The following RPS6KA1 variants were observed in gnomAD, a reference collection of about 807,000 sequenced individuals.
RPS6KA1 encodes the protein ribosomal protein S6 kinase alpha-1.
Under a neutral mutation model 91.3 loss-of-function variants are expected in RPS6KA1, and 48 were observed. The ratio of observed to expected loss-of-function variants is 0.53; its 90% CI spans 0.42 to 0.67. RPS6KA1 has a LOEUF of 0.67. RPS6KA1 is among the 30% of genes least tolerant of loss of function. RPS6KA1 has a pLI of 0.00. For synonymous variants in RPS6KA1, 359 were observed against 384.7 expected, an observed-to-expected ratio of 0.93 and a Z score of 0.78; for missense variants, 719 against 960.5, an observed-to-expected ratio of 0.75 and a Z score of 3.32.
chr1:26,561,695 A>T lies in RPS6KA1; in HGVS notation c.1590+32A>T, dbSNP rs1218486137. 6.4e-7 allele frequency: 1 copy of T among 1,562,334 alleles called. No individual in the cohort carries two copies. The highest frequency in any genetic ancestry group is 1.2e-5 in the South Asian group (1 of 82,468). ...CTGGATTCGGGGAGGCAGTAGGGGG[A>T]TGCCAAGGGTCATATCATCAGCAGA... On this transcript the variant is annotated intron_variant, in intron 17 of 21. Coordinates refer to ENST00000374168, the MANE Select transcript of RPS6KA1 (RefSeq NM_002953.4). This position sits in a 1 kb window ranked among gnomAD's most constrained non-coding sequence, Gnocchi z 5.7.
Position 26,573,290 on chromosome 1 carries a change from C to T in RPS6KA1, c.2014C>T (p.His672Tyr), listed in dbSNP as rs774988036. 1 of 1,614,226 alleles carries T rather than the reference C, an allele frequency of 6.2e-7. No individual in the cohort carries two copies. Among genetic ancestry groups the T allele is most frequent in the South Asian group, 1.1e-5 (1 of 91,086 alleles). Reference sequence around the variant, plus strand: ...CCTCACAGCTAAGCAGGTTCTGCAGCATCCATGGGTCACCCAGAAAGACAA... The same window carrying T: ...CCTCACAGCTAAGCAGGTTCTGCAGTATCCATGGGTCACCCAGAAAGACAA... ...QRLTAKQVLQ[H>Y]PWVTQKDKLP... Residue 672 changes from histidine (H) to tyrosine (Y), a missense_variant, in exon 21 of 22, where the codon CAT (histidine) becomes TAT (tyrosine). By Grantham distance (83) the His-to-Tyr change is moderately conservative (BLOSUM62 2). This residue lies in a region of RPS6KA1 where 249 missense variants were observed against 323.1 expected (regional missense o/e 0.77). Coordinates refer to ENST00000374168, the MANE Select transcript of RPS6KA1 (RefSeq NM_002953.4).
chr1:26,571,949 T>C lies in RPS6KA1; in HGVS notation c.1829+24T>C. On this transcript the variant is annotated intron_variant, in intron 19 of 21. Transcript: ENST00000374168. The surrounding 1 kb of genome is among the most constrained non-coding windows in gnomAD (Gnocchi z 5.1). ...GGGTGAGTGCCCCTGGCCTGGACCC[T>C]TCCCCACTCCTGCAGCCCTAGCACT... 2 of 1,603,114 alleles carry C rather than the reference T, an allele frequency of 1.2e-6. No homozygotes were observed. The highest frequency in any genetic ancestry group is 1.7e-6 in the Non-Finnish European group (2 of 1,173,390).
chr1:26,558,894 G>A lies in RPS6KA1; in HGVS notation c.1172G>A (p.Gly391Asp). The A allele has an allele frequency of 1.2e-6, 2 of 1,613,756 alleles. No homozygotes were observed. Among genetic ancestry groups the A allele is most frequent in the Non-Finnish European group, 1.7e-6 (2 of 1,179,728 alleles). The part of the protein sequence containing the change: ...FVATGLMEDD[G>D]KPRAPQAPLH... ...GCCACCGGCCTGATGGAAGACGACG[G>A]CAAGCCTCGTGCCCCGCAGGCACCC... Residue 391 changes from glycine to aspartate, a missense_variant, in exon 14 of 22, where the codon GGC (glycine) becomes GAC (aspartate). Gly to Asp is a moderately conservative substitution (Grantham distance 94, BLOSUM62 -1). This residue lies in a region of RPS6KA1 where 228 missense variants were observed against 247.6 expected (regional missense o/e 0.92). Transcript: ENST00000374168. This position sits in a 1 kb window ranked among gnomAD's most constrained non-coding sequence, Gnocchi z 4.0.
rs1453953908 is a variant in RPS6KA1 at position 26,571,259 on chromosome 1, G to GAC, written c.1591-187_1591-186dup. ...ACAGGTTAACTTAGAGCTACCTGTA[G>GAC]ACACCTACACAGAGTCAGTAGCAGC... is the stretch of plus-strand genomic sequence containing the variant. On this transcript the variant is annotated intron_variant, in intron 17 of 21. Coordinates refer to ENST00000374168, the MANE Select transcript of RPS6KA1 (RefSeq NM_002953.4). The surrounding 1 kb of genome is among the most constrained non-coding windows in gnomAD (Gnocchi z 5.1). 1 of 593,698 alleles carries GAC rather than the reference G, an allele frequency of 1.7e-6. No individual in the cohort carries two copies. The highest frequency in any genetic ancestry group is 2.8e-5 in the East Asian group (1 of 35,516). The allele number at this position is 593,698 out of a possible 1,614,324, so 36.8% of individuals were successfully genotyped here.
chr1:26,548,118 T>C (rs551075758), intron 4 of RPS6KA1, among the ~76,000 whole-genome samples: 2 of 151,848 alleles, frequency 1.3e-5, no homozygotes, highest in Non-Finnish European at 2.9e-5. Flanking sequence ...TTAAGGACGT[T>C]ATGGGTGGCT....
chr1:26,553,301 T>C (rs4970489), intron 6 of RPS6KA1, 90 bp from the exon 7 acceptor site: 591,675 of 826,490 alleles, frequency 0.72, 212,998 homozygotes, highest in East Asian at 0.77. Context: ...CCAGGGTGGC[T>C]CTTCAGGACC....
intron 4 of RPS6KA1, among the ~76,000 whole-genome samples, chr1:26,549,690 CTTTTTTTTTT>C (rs561375723): frequency 2.9e-5 from 3 of 101,916 alleles, no homozygotes; most frequent in South Asian, 3.4e-4. Context: ...AAAGCCTGTT[CTTTTTTTTTT>C]TTTTTTTTTT....
At chr1:26,563,031 GT>G in intron 17 of RPS6KA1, among the ~76,000 whole-genome samples, 1 of 151,864 alleles carries the variant, frequency 6.6e-6, no homozygotes, top group East Asian at 1.9e-4. Context: ...TAGAGATGGG[GT>G]TTCACCATGT....
At chr1:26,531,652 C>T (rs1344306415) in intron 1 of RPS6KA1, among the ~76,000 whole-genome samples, 1 of 152,152 alleles carries the variant, frequency 6.6e-6, no homozygotes, top group Non-Finnish European at 1.5e-5. Context: ...AGCGGACTTC[C>T]TGGGATTGGT....
rs936087210 is a variant in RPS6KA1, at chr1:26,571,003, A to G, written c.1591-446A>G. On this transcript the variant is annotated intron_variant, in intron 17 of 21. Transcript: ENST00000374168. This position sits in a 1 kb window ranked among gnomAD's most constrained non-coding sequence, Gnocchi z 5.1. Reference sequence around the variant, plus strand: ...CCAGCCATGGCGGCGGGTGCCTGTAATCCCAGCTACTTGGGAGCTGAGGCA... The same window carrying G: ...CCAGCCATGGCGGCGGGTGCCTGTAGTCCCAGCTACTTGGGAGCTGAGGCA... Among the ~76,000 whole-genome samples the G allele has an allele frequency of 1.5e-5, 2 of 134,468 alleles. No homozygotes were observed. The highest frequency in any genetic ancestry group is 1.5e-4 in the Admixed American group (2 of 13,364). The allele number at this position is 134,468 out of a possible 152,430, so 88.2% of individuals were successfully genotyped here. A position where few individuals can be genotyped will look rare whatever the true frequency, so the allele number is the denominator to read the frequency against.
rs368459526 is a variant in RPS6KA1, at chr1:26,561,465, G to C, written c.1432-40G>C. 6.2e-6 allele frequency: 10 copies of C among 1,613,544 alleles called. No individual in the cohort carries two copies. The highest frequency in any genetic ancestry group is 5.3e-5 in the African/African-American group (4 of 74,926). On this transcript the variant is annotated intron_variant, in intron 16 of 21. Coordinates refer to ENST00000374168, the MANE Select transcript of RPS6KA1 (RefSeq NM_002953.4). This position sits in a 1 kb window ranked among gnomAD's most constrained non-coding sequence, Gnocchi z 5.7. ...GCTGCTGACCAGGGGGCTCAGGCCT[G>C]ACACTGGGGAGAAGAGCCTGATGGT...
At chr1:26,546,328 T>C (rs967116782) in intron 2 of RPS6KA1, among the ~76,000 whole-genome samples, 1 of 152,186 alleles carries the variant, frequency 6.6e-6, no homozygotes, top group Non-Finnish European at 1.5e-5. Context: ...ATGCAGTCTT[T>C]GGCCTTAACT....
Position 26,546,955 on chromosome 1 carries a change from A to G in RPS6KA1, c.197A>G (p.Lys66Arg). The G allele has an allele frequency of 6.2e-7, 1 of 1,614,152 alleles. No homozygotes were observed. Among genetic ancestry groups the G allele is most frequent in the Non-Finnish European group, 8.5e-7 (1 of 1,180,000 alleles). Reference sequence around the variant, plus strand: ...GATCCATCCCATTTCGAGCTCCTCAAGGTTCTGGGCCAGGGATCCTTTGGC... The same window carrying G: ...GATCCATCCCATTTCGAGCTCCTCAGGGTTCTGGGCCAGGGATCCTTTGGC... ...KADPSHFELL[K>R]VLGQGSFGKV... Residue 66 changes from lysine to arginine, a missense_variant, in exon 3 of 22, where the codon AAG becomes AGG. Coordinates refer to ENST00000374168, the MANE Select transcript of RPS6KA1 (RefSeq NM_002953.4).
Position 26,558,639 on chromosome 1 carries a change from C to T in RPS6KA1, c.1085-168C>T, listed in dbSNP as rs1376112316. 2.0e-5 allele frequency among the ~76,000 whole-genome samples: 3 copies of T among 152,210 alleles called. No homozygotes were observed. The highest frequency in any genetic ancestry group is 6.5e-5 in the Admixed American group (1 of 15,284). On this transcript the variant is annotated intron_variant, in intron 13 of 21. Coordinates refer to ENST00000374168, the MANE Select transcript of RPS6KA1 (RefSeq NM_002953.4). The surrounding 1 kb of genome is among the most constrained non-coding windows in gnomAD (Gnocchi z 4.0). ...CAGGACTGGGCTGGTCTAATAAACA[C>T]ATATGAGCAGTTGGGCCAAGGCCTG... is the stretch of plus-strand genomic sequence containing the variant.
intron 1 of RPS6KA1, among the ~76,000 whole-genome samples, chr1:26,536,152 T>TA (rs35238041): frequency 0.29 from 21,789 of 74,220 alleles, 3,383 homozygotes; most frequent in East Asian, 0.74. Flanking sequence ...AAACTCTGTC[T>TA]AAAAAAAAAA....
chr1:26,554,680 T>C lies in RPS6KA1; in HGVS notation c.698T>C (p.Val233Ala). The C allele has an allele frequency of 6.2e-7, 1 of 1,612,952 alleles. No individual in the cohort carries two copies. Among genetic ancestry groups the C allele is most frequent in the Non-Finnish European group, 8.5e-7 (1 of 1,179,134 alleles). The part of the protein sequence containing the change: ...CGTVEYMAPE[V>A]VNRQGHSHSA... The stretch of plus-strand genomic sequence containing the variant: ...ACAGTGGAGTACATGGCCCCTGAGG[T>C]CGTCAACCGCCAGGGCCACTCCCAT... The change falls in exon 9 of 22, where the codon GTC (valine) becomes GCC (alanine). Residue 233 changes from valine (V) to alanine (A), a missense_variant. This residue lies in a region of RPS6KA1 where 159 missense variants were observed against 264.5 expected (regional missense o/e 0.60). Coordinates refer to ENST00000374168, the MANE Select transcript of RPS6KA1 (RefSeq NM_002953.4). This position sits in a 1 kb window ranked among gnomAD's most constrained non-coding sequence, Gnocchi z 4.6.
Position 26,561,035 on chromosome 1 carries a change from C to G in RPS6KA1, c.1342-10C>G. 6.2e-7 allele frequency: 1 copy of G among 1,613,400 alleles called. No homozygotes were observed. The highest frequency in any genetic ancestry group is 8.5e-7 in the Non-Finnish European group (1 of 1,179,762). On this transcript the variant is annotated splice_polypyrimidine_tract_variant and intron_variant, in intron 15 of 21. Coordinates refer to ENST00000374168, the MANE Select transcript of RPS6KA1 (RefSeq NM_002953.4). This position sits in a 1 kb window ranked among gnomAD's most constrained non-coding sequence, Gnocchi z 5.7. Reference sequence around the variant, plus strand: ...ACCCTGACACTGCCACATGCACCCCCTTTCTTCAGGTCATTGATAAGAGCA... The same window carrying G: ...ACCCTGACACTGCCACATGCACCCCGTTTCTTCAGGTCATTGATAAGAGCA...
chr1:26,564,397 T>C (rs1291670499), intron 17 of RPS6KA1, among the ~76,000 whole-genome samples: 1 of 152,166 alleles, frequency 6.6e-6, no homozygotes, highest in East Asian at 1.9e-4. Flanking sequence ...TAGCTGGGAC[T>C]ACAGGCGCAC....
rs187448564 is a variant in RPS6KA1, at chr1:26,566,583, G to A, written c.1591-4866G>A. On this transcript the variant is annotated intron_variant, in intron 17 of 21. Coordinates refer to ENST00000374168, the MANE Select transcript of RPS6KA1 (RefSeq NM_002953.4). ...ATTACAGGCATGAACCACTGTGCCC[G>A]GCTCATTGTAGTTTTAATTTGCATT... 3.7e-3 allele frequency among the ~76,000 whole-genome samples: 566 copies of A among 152,108 alleles called. 4 individuals are homozygous for A. The highest frequency in any genetic ancestry group is 0.013 in the African/African-American group (542 of 41,482).
Sources: allele counts gnomAD v4.1 joint callset (sites outside exome capture counted in the v4.1 genomes callset), GRCh38; gene constraint gnomAD v4.1.1; regional missense constraint gnomAD v4.1.1; non-coding constraint Gnocchi (gnomAD v3.1); transcripts MANE v1.5; gene names NCBI Gene and HGNC (gene_info 2026-07-23, HGNC 2026-07-21).